The following RSRC1 variants were observed in gnomAD, a reference collection of about 807,000 sequenced individuals.
RSRC1 encodes the protein arginine and serine rich coiled-coil 1, also known as serine/Arginine-related protein 53.
A neutral mutation model predicts 49.1 loss-of-function variants in RSRC1; 39 were observed. The observed-to-expected ratio is 0.79, with a 90% CI of 0.61 to 1.04. RSRC1 has a LOEUF of 1.04. RSRC1 is among the 50% of genes least tolerant of loss of function. RSRC1 has a pLI of 0.00. For synonymous variants in RSRC1, 143 were observed against 130.8 expected (o/e 1.09, Z -0.63); for missense variants, 388 against 402.4 (o/e 0.96, Z 0.31).
At chr3:158,339,872 A>C (rs938112653) in intron 5 of RSRC1, among the ~76,000 whole-genome samples, 1 of 152,238 alleles carries the variant, frequency 6.6e-6, no homozygotes, top group South Asian at 2.1e-4. Context: ...CATTACAGGA[A>C]GACAGAGCAG....
At chr3:158,194,215 A>G (rs1488768022) in intron 3 of RSRC1, among the ~76,000 whole-genome samples, 1 of 151,964 alleles carries the variant, frequency 6.6e-6, no homozygotes, top group Non-Finnish European at 1.5e-5. Flanking sequence ...TTGAGGTTGC[A>G]GTAAGATACG....
At chr3:158,199,247 G>T (rs898218480) in intron 3 of RSRC1, among the ~76,000 whole-genome samples, 6 of 151,972 alleles carry the variant, frequency 3.9e-5, no homozygotes, top group Non-Finnish European at 7.4e-5. Flanking sequence ...GGAAATGTAG[G>T]TCTAATAAAC....
chr3:158,346,864 C>T (rs1048039474), intron 5 of RSRC1, among the ~76,000 whole-genome samples: 2 of 152,134 alleles, frequency 1.3e-5, no homozygotes, highest in African/African-American at 4.8e-5. Flanking sequence ...ATACTTTGAA[C>T]ATTTATTGAT....
chr3:158,526,398 T>C (rs558791102), intron 7 of RSRC1, among the ~76,000 whole-genome samples: 27 of 152,076 alleles, frequency 1.8e-4, no homozygotes, highest in African/African-American at 6.5e-4. Flanking sequence ...TATCTTAAAC[T>C]TAGAAATGAG....
chr3:158,216,885 A>G (rs549149571), intron 4 of RSRC1, among the ~76,000 whole-genome samples: 24 of 151,736 alleles, frequency 1.6e-4, no homozygotes, highest in Non-Finnish European at 3.1e-4. Flanking sequence ...CCATGAAACT[A>G]TCTTTCCCTT....
intron 4 of RSRC1, chr3:158,276,531 TCA>T (rs1200009505): frequency 3.6e-6 from 2 of 550,280 alleles, no homozygotes; most frequent in South Asian, 2.4e-5. Flanking sequence ...TCTCAAACTC[TCA>T]GTTTGTAAAG....
At chr3:158,388,696 G>A (rs574089841) in intron 6 of RSRC1, among the ~76,000 whole-genome samples, 3 of 149,544 alleles carry the variant, frequency 2.0e-5, no homozygotes, top group East Asian at 3.9e-4. Context: ...TGCAAACTCC[G>A]CCTCCCGGGT....
chr3:158,540,711 T>G (rs1712987727), intron 8 of RSRC1, among the ~76,000 whole-genome samples: 1 of 152,156 alleles, frequency 6.6e-6, no homozygotes, highest in East Asian at 1.9e-4. Flanking sequence ...GCCCTCTGGT[T>G]GTTCTTCCTG....
intron 3 of RSRC1, among the ~76,000 whole-genome samples, chr3:158,170,085 C>T (rs940212685): frequency 4.6e-5 from 7 of 151,974 alleles, no homozygotes; most frequent in Admixed American, 4.6e-4. Flanking sequence ...TTGGAAATTA[C>T]CCTGTGAAAT....
In RSRC1 at chr3:158,445,673, G is replaced by T. The variant is rs559324015; in HGVS notation, c.584-15262G>T. Reference sequence around the variant, plus strand: ...CAACAACAACAACAACGAAAAAAACGAAGTATGCCTACACAGTTTTTCCAA... The same window carrying T: ...CAACAACAACAACAACGAAAAAAACTAAGTATGCCTACACAGTTTTTCCAA... On this transcript the variant is annotated intron_variant, in intron 6 of 9. Transcript: ENST00000611884. 2.6e-5 allele frequency among the ~76,000 whole-genome samples: 4 copies of T among 152,000 alleles called. No individual in the cohort carries two copies. In the South Asian group the frequency reaches 8.3e-4, roughly 32 times the overall value.
intron 7 of RSRC1, among the ~76,000 whole-genome samples, chr3:158,481,238 T>G (rs1293359250): frequency 1.3e-5 from 2 of 152,078 alleles, no homozygotes; most frequent in Non-Finnish European, 2.9e-5. Flanking sequence ...AAATAAAGCC[T>G]TATTATTGGT....
intron 5 of RSRC1, among the ~76,000 whole-genome samples, chr3:158,318,194 C>T (rs1728574597): frequency 6.6e-6 from 1 of 152,012 alleles, no homozygotes; most frequent in African/African-American, 2.4e-5. Flanking sequence ...TCCAGGGGCT[C>T]CCAGGCTTCA....
rs369403336 is a variant in RSRC1, at chr3:158,537,100, A to G, written c.661A>G (p.Thr221Ala). The G allele has an allele frequency of 4.4e-6, 7 of 1,608,230 alleles. No individual in the cohort carries two copies. Among genetic ancestry groups the G allele is most frequent in the Non-Finnish European group, 6.0e-6 (7 of 1,176,006 alleles). Residue 221 changes from threonine to alanine, a missense_variant, in exon 8 of 10, where the codon ACC becomes GCC. Coordinates refer to ENST00000611884, the MANE Select transcript of RSRC1 (RefSeq NM_001271838.2). ...AKRRKEEDQA[T>A]LVEQVKRVKE... ...TATACCCTCTTTTTCAGACCAAGCCACCCTGGTAGAACAAGTAAAAAGAGT... is the reference window on the plus strand; with the variant it reads ...TATACCCTCTTTTTCAGACCAAGCCGCCCTGGTAGAACAAGTAAAAAGAGT...
intron 1 of RSRC1, among the ~76,000 whole-genome samples, chr3:158,117,001 A>G (rs1455576218): frequency 6.6e-6 from 1 of 152,042 alleles, no homozygotes; most frequent in East Asian, 1.9e-4. Flanking sequence ...TGTGGGGTAT[A>G]ATTTTGAGAC....
intron 4 of RSRC1, among the ~76,000 whole-genome samples, chr3:158,209,731 G>T (rs1156591166): frequency 6.6e-6 from 1 of 151,844 alleles, no homozygotes; most frequent in Non-Finnish European, 1.5e-5. Context: ...ATTTTTCTTT[G>T]TATAATTTTC....
intron 7 of RSRC1, among the ~76,000 whole-genome samples, chr3:158,529,705 C>T (rs1374999065): frequency 6.6e-6 from 1 of 151,810 alleles, no homozygotes; most frequent in East Asian, 1.9e-4. Flanking sequence ...TTACATATAT[C>T]GATGATGAAA....
intron 6 of RSRC1, among the ~76,000 whole-genome samples, chr3:158,405,753 G>T (rs1734130945): frequency 6.6e-6 from 1 of 152,030 alleles, no homozygotes; most frequent in Non-Finnish European, 1.5e-5. Context: ...GAGGGAATAG[G>T]GACTGAATAG....
At chr3:158,368,955 T>C (rs1560013519) in intron 6 of RSRC1, among the ~76,000 whole-genome samples, 2 of 152,064 alleles carry the variant, frequency 1.3e-5, no homozygotes, top group Non-Finnish European at 2.9e-5. Context: ...AAATAATTAA[T>C]GTAATGAAAT....
intron 6 of RSRC1, among the ~76,000 whole-genome samples, chr3:158,423,137 A>G (rs1233398689): frequency 6.6e-6 from 1 of 151,870 alleles, no homozygotes; most frequent in Non-Finnish European, 1.5e-5. Context: ...TGTTTTAGAC[A>G]TGAAGTCCTT....
Sources: allele counts gnomAD v4.1 joint callset (sites outside exome capture counted in the v4.1 genomes callset), GRCh38; gene constraint gnomAD v4.1.1; transcripts MANE v1.5; gene names NCBI Gene and HGNC (gene_info 2026-07-23, HGNC 2026-07-21).